PPFIBP2: variants seen among roughly 807,000 people sequenced by gnomAD.
PPFIBP2 encodes PPFIB scaffold protein 2, also known as liprin-beta-2.
A neutral mutation model predicts 118.3 loss-of-function variants in PPFIBP2; 118 were observed. The observed-to-expected ratio is 1.00, with a 90% CI of 0.86 to 1.16. PPFIBP2 has a LOEUF of 1.16. PPFIBP2 is among the 50% of genes most tolerant of loss of function. The pLI, the probability that PPFIBP2 is intolerant of heterozygous loss-of-function variation, is 0.00. For missense variants in PPFIBP2, 1,195 were observed against 1,073.1 expected (o/e 1.11, Z -1.59); for synonymous variants, 414 against 397.4 (o/e 1.04, Z -0.50).
intron 1 of PPFIBP2, among the ~76,000 whole-genome samples, chr11:7,546,310 C>T (rs140619706): frequency 2.6e-5 from 4 of 152,316 alleles, no homozygotes; most frequent in African/African-American, 9.6e-5. Flanking sequence ...GGAAAATAGG[C>T]TGGCAAAAAG....
intron 2 of PPFIBP2, among the ~76,000 whole-genome samples, chr11:7,556,825 A>G (rs1327706391): frequency 3.9e-5 from 6 of 152,222 alleles, no homozygotes. Flanking sequence ...GCTAATGAGA[A>G]GTCTGGCAAT....
chr11:7,551,960 C>T (rs1853047495), intron 2 of PPFIBP2, among the ~76,000 whole-genome samples: 1 of 152,198 alleles, frequency 6.6e-6, no homozygotes, highest in Non-Finnish European at 1.5e-5. Flanking sequence ...CCCAGGAGAC[C>T]TAATCTTCTG....
At chr11:7,547,427 G>T (rs1046405561) in intron 1 of PPFIBP2, among the ~76,000 whole-genome samples, 2 of 152,170 alleles carry the variant, frequency 1.3e-5, no homozygotes, top group African/African-American at 4.8e-5. Context: ...AAGGAGTTTG[G>T]AATTTTCCCC....
intron 14 of PPFIBP2, among the ~76,000 whole-genome samples, chr11:7,639,354 TAG>T (rs924650296): frequency 9.2e-5 from 14 of 152,236 alleles, no homozygotes; most frequent in Non-Finnish European, 1.6e-4. Context: ...CAGCTTTTAT[TAG>T]AATGCCAATT....
At chr11:7,665,286 G>A in the PPFIBP2 span, 10,331 of 1,208,850 alleles carry the variant, frequency 8.5e-3, 631 homozygotes, top group African/African-American at 0.13. Flanking sequence ...AGGCACTTTT[G>A]AAAACATCCC....
chr11:7,549,607 T>A, intron 2 of PPFIBP2, 68 bp downstream of exon 2: 1 of 1,335,538 alleles, frequency 7.5e-7, no homozygotes. Flanking sequence ...TCTCTCCTTT[T>A]ACTTTTTTTT....
At chr11:7,599,297 A>T (rs1211324799) in intron 5 of PPFIBP2, among the ~76,000 whole-genome samples, 1 of 152,184 alleles carries the variant, frequency 6.6e-6, no homozygotes. Context: ...GGTGTAAACA[A>T]TCCAGAAAGA....
intron 2 of PPFIBP2, among the ~76,000 whole-genome samples, chr11:7,551,060 G>A (rs1235401017): frequency 6.6e-6 from 1 of 150,714 alleles, no homozygotes; most frequent in East Asian, 1.9e-4. Flanking sequence ...GATATCTATA[G>A]ATATCTATCT....
chr11:7,611,378 C>T (rs1256725734), intron 6 of PPFIBP2, among the ~76,000 whole-genome samples: 3 of 152,130 alleles, frequency 2.0e-5, no homozygotes, highest in Non-Finnish European at 2.9e-5. Context: ...ATATTGTTCC[C>T]TTCTGATAAG....
chr11:7,560,708 G>A (rs1247640789), intron 2 of PPFIBP2, among the ~76,000 whole-genome samples: 1 of 152,146 alleles, frequency 6.6e-6, no homozygotes, highest in Non-Finnish European at 1.5e-5. Flanking sequence ...CCTGTATCTT[G>A]CCAAATTGCT....
At chr11:7,536,360 G>A (rs4758000) in intron 1 of PPFIBP2, among the ~76,000 whole-genome samples, 21,685 of 152,156 alleles carry the variant, frequency 0.14, 1,885 homozygotes, top group Admixed American at 0.22. Flanking sequence ...GGGGCTCTGA[G>A]GCAAAGGGGA....
At chr11:7,596,728 A>G (rs1342948901) in intron 4 of PPFIBP2, among the ~76,000 whole-genome samples, 2 of 152,130 alleles carry the variant, frequency 1.3e-5, no homozygotes, top group African/African-American at 2.4e-5. Context: ...TAATTTCTTC[A>G]CTTTGGGGAG....
the PPFIBP2 span, chr11:7,665,859 T>G: frequency 9.1e-6 from 14 of 1,535,780 alleles, 1 homozygote; most frequent in South Asian, 1.4e-4. Flanking sequence ...CCAGCTGGAG[T>G]TGTCCGGCAG....
chr11:7,572,670 C>A (rs1278124374), intron 3 of PPFIBP2, among the ~76,000 whole-genome samples: 1 of 152,246 alleles, frequency 6.6e-6, no homozygotes, highest in African/African-American at 2.4e-5. Context: ...CTACCAAGAG[C>A]CTTCTGCCCT....
intron 3 of PPFIBP2, chr11:7,572,058 G>A (rs1855710407): frequency 6.6e-6 from 1 of 152,248 alleles, no homozygotes; most frequent in South Asian, 2.1e-4. Context: ...ACAAAGGGCA[G>A]TCAAGAGAGG....
chr11:7,554,785 T>A (rs1006697273), intron 2 of PPFIBP2, among the ~76,000 whole-genome samples: 156 of 129,798 alleles, frequency 1.2e-3, no homozygotes, highest in African/African-American at 4.7e-3. Context: ...GAATCCCAGG[T>A]GACTAGACTA....
chr11:7,605,816 T>A (rs1847271228), intron 5 of PPFIBP2: 2 of 1,370,362 alleles, frequency 1.5e-6, no homozygotes, highest in Non-Finnish European at 1.9e-6. Context: ...ATTTCAGAGC[T>A]GAAGATTTTA....
chr11:7,623,674 C>T (rs1025413113), intron 7 of PPFIBP2, among the ~76,000 whole-genome samples: 1 of 152,174 alleles, frequency 6.6e-6, no homozygotes, highest in African/African-American at 2.4e-5. Context: ...TTGCTGAATT[C>T]CCAACTGTGG....
Position 7,653,502 on chromosome 11 carries a change from CACCAGTGGAA to C in PPFIBP2, c.*287_*296del. 1.4e-6 allele frequency: 2 copies of C among 1,392,716 alleles called. No individual in the cohort carries two copies. The highest frequency in any genetic ancestry group is 1.9e-6 in the Non-Finnish European group (2 of 1,056,246). The allele number at this position is 1,392,716 out of a possible 1,614,324, so 86.3% of individuals were successfully genotyped here. ...AGTAATTCTTGATGTTCATCTTCAG[CACCAGTGGAA>C]ACACATGAACTTCGATGCAGGTCCA... On this transcript the variant is annotated 3_prime_UTR_variant, in exon 24 of 24. Transcript: ENST00000299492.
Sources: allele counts gnomAD v4.1 joint callset (sites outside exome capture counted in the v4.1 genomes callset), GRCh38; gene constraint gnomAD v4.1.1; transcripts MANE v1.5; gene names NCBI Gene and HGNC (gene_info 2026-07-23, HGNC 2026-07-21).